SLC25A21: variants seen among roughly 807,000 people sequenced by gnomAD.
SLC25A21 encodes mitochondrial 2-oxodicarboxylate carrier.
A neutral mutation model predicts 43.8 loss-of-function variants in SLC25A21; 47 were observed. The ratio of observed to expected loss-of-function variants is 1.07; its 90% CI spans 0.85 to 1.37. The LOEUF (loss-of-function observed/expected upper bound fraction) is 1.37. Ranked by LOEUF, SLC25A21 falls within the 40% of genes most tolerant of loss-of-function variation. SLC25A21 has a pLI of 0.00. For missense variants in SLC25A21, 352 were observed against 350.2 expected (o/e 1.00, Z -0.04); for synonymous variants, 131 against 121.3 (o/e 1.08, Z -0.52).
intron 4 of SLC25A21, among the ~76,000 whole-genome samples, chr14:36,733,598 A>G (rs1021785694): frequency 6.6e-6 from 1 of 152,236 alleles, no homozygotes; most frequent in African/African-American, 2.4e-5. Context: ...GAGTAAAAGT[A>G]TATGAACTGT....
intron 3 of SLC25A21, among the ~76,000 whole-genome samples, chr14:36,792,218 G>C (rs1887510913): frequency 6.6e-6 from 1 of 152,134 alleles, no homozygotes; most frequent in East Asian, 1.9e-4. Flanking sequence ...TAGTCCTAAA[G>C]AAGGAGAGAA....
Position 36,679,373 on chromosome 14 carries a change from T to TTTTAC in SLC25A21, c.*1280_*1284dup, listed in dbSNP as rs995803297. The TTTTAC allele has an allele frequency of 6.1e-6, 6 of 977,006 alleles. No individual in the cohort carries two copies. The highest frequency in any genetic ancestry group is 7.3e-6 in the Non-Finnish European group (6 of 822,388). The allele number at this position is 977,006 out of a possible 1,614,324, so 60.5% of individuals were successfully genotyped here. On this transcript the variant is annotated 3_prime_UTR_variant, in exon 10 of 10. Coordinates refer to ENST00000331299, the MANE Select transcript of SLC25A21 (RefSeq NM_030631.4). ...AAAAAGTAATAATTACCATGTTATCTTTTACTTTTTATTTTCAAAATGCTT... is the reference window on the plus strand; with the variant it reads ...AAAAAGTAATAATTACCATGTTATCTTTTACTTTACTTTTTATTTTCAAAATGCTT...
chr14:37,106,837 G>A (rs1186516742), intron 1 of SLC25A21, among the ~76,000 whole-genome samples: 6 of 152,166 alleles, frequency 3.9e-5, no homozygotes, highest in Non-Finnish European at 5.9e-5. Flanking sequence ...CAGCCCAGCT[G>A]TAAAATTCCT....
chr14:37,043,625 G>C (rs1205491334), intron 1 of SLC25A21, among the ~76,000 whole-genome samples: 1 of 152,150 alleles, frequency 6.6e-6, no homozygotes, highest in African/African-American at 2.4e-5. Flanking sequence ...ATCCCTTACA[G>C]ATAGAAGACA....
intron 7 of SLC25A21, among the ~76,000 whole-genome samples, chr14:36,710,354 CAA>C (rs1213554564): frequency 7.0e-6 from 1 of 142,306 alleles, no homozygotes. Flanking sequence ...GCCTGGGTGA[CAA>C]GAGTGAAACT....
At chr14:36,749,729 C>A (rs1885632047) in intron 3 of SLC25A21, among the ~76,000 whole-genome samples, 1 of 152,184 alleles carries the variant, frequency 6.6e-6, no homozygotes, top group Non-Finnish European at 1.5e-5. Context: ...ACATGCTGCG[C>A]CTTGCCTGGG....
At chr14:37,077,166 A>G (rs1020576426) in intron 1 of SLC25A21, among the ~76,000 whole-genome samples, 34 of 152,320 alleles carry the variant, frequency 2.2e-4, no homozygotes, top group African/African-American at 7.9e-4. Flanking sequence ...CCACGCTGAG[A>G]TATCATTTAG....
chr14:36,845,840 C>T (rs572072275), intron 2 of SLC25A21, among the ~76,000 whole-genome samples: 1 of 152,334 alleles, frequency 6.6e-6, no homozygotes, highest in Non-Finnish European at 1.5e-5. Flanking sequence ...TGATCGCACA[C>T]TGGCGCTTCT....
At chr14:36,706,575 A>G (rs187226113) in intron 7 of SLC25A21, among the ~76,000 whole-genome samples, 20 of 152,292 alleles carry the variant, frequency 1.3e-4, no homozygotes, top group African/African-American at 4.6e-4. Context: ...TTCCAGGCAG[A>G]GCCCGTAATA....
At position 36,678,321 on chromosome 14, in the gene SLC25A21, GA is replaced by G. The variant is rs1882005362; in HGVS notation, c.*2336del. ...TTTTTCAGACAGCAGATATCTTATAGAGAGCTTTGAACTGCATTTATTTCTA... is the reference window on the plus strand; with the variant it reads ...TTTTTCAGACAGCAGATATCTTATAGGAGCTTTGAACTGCATTTATTTCTA... On this transcript the variant is annotated 3_prime_UTR_variant, in exon 10 of 10. Transcript: ENST00000331299. The G allele has an allele frequency of 1.6e-6, 1 of 614,198 alleles. No homozygotes were observed. Among genetic ancestry groups the G allele is most frequent in the African/African-American group, 1.8e-5 (1 of 54,466 alleles). 38.0% of individuals were successfully genotyped at this position (614,198 alleles called of 1,614,324 possible).
intron 1 of SLC25A21, among the ~76,000 whole-genome samples, chr14:36,980,760 C>T (rs1360580177): frequency 6.6e-6 from 1 of 152,200 alleles, no homozygotes; most frequent in Non-Finnish European, 1.5e-5. Context: ...CTAGGCAATA[C>T]CATTCCGGAC....
chr14:36,883,517 T>C (rs1173852281), intron 1 of SLC25A21, among the ~76,000 whole-genome samples: 1 of 152,204 alleles, frequency 6.6e-6, no homozygotes, highest in Non-Finnish European at 1.5e-5. Context: ...TATCTATTCA[T>C]TGTGTTTATT....
intron 3 of SLC25A21, among the ~76,000 whole-genome samples, chr14:36,800,672 G>A (rs117547917): frequency 1.3e-5 from 2 of 152,164 alleles, no homozygotes; most frequent in East Asian, 1.9e-4. Flanking sequence ...ATGGTTGCAC[G>A]ACATTGACTT....
chr14:36,905,140 C>T (rs888240576), intron 1 of SLC25A21, among the ~76,000 whole-genome samples: 2 of 152,156 alleles, frequency 1.3e-5, no homozygotes, highest in Admixed American at 1.3e-4. Flanking sequence ...ATTACCTTGA[C>T]CTATGAAAGA....
At chr14:37,058,543 A>G (rs999420481) in intron 1 of SLC25A21, among the ~76,000 whole-genome samples, 3 of 152,208 alleles carry the variant, frequency 2.0e-5, no homozygotes, top group African/African-American at 7.2e-5. Context: ...CAGCCATAAG[A>G]TGAAGGGATT....
At chr14:36,968,567 G>C (rs554451107) in intron 1 of SLC25A21, among the ~76,000 whole-genome samples, 1 of 152,270 alleles carries the variant, frequency 6.6e-6, no homozygotes, top group East Asian at 1.9e-4. Context: ...TTCTTAATAG[G>C]CTTCTGCACA....
intron 1 of SLC25A21, among the ~76,000 whole-genome samples, chr14:37,123,960 C>T (rs547519665): frequency 5.9e-5 from 9 of 151,844 alleles, no homozygotes; most frequent in Non-Finnish European, 1.2e-4. Context: ...TTCTTTGCTA[C>T]GCTTTTCTCC....
At chr14:36,729,772 C>T (rs1025269532) in intron 4 of SLC25A21, among the ~76,000 whole-genome samples, 7 of 152,144 alleles carry the variant, frequency 4.6e-5, no homozygotes, top group Admixed American at 4.6e-4. Context: ...TTATAATAAC[C>T]TACAGAAGAG....
At chr14:36,735,447 G>A (rs1406862907) in intron 3 of SLC25A21, among the ~76,000 whole-genome samples, 2 of 75,896 alleles carry the variant, frequency 2.6e-5, no homozygotes, top group African/African-American at 1.3e-4. Flanking sequence ...TATTTTCTGA[G>A]TAATCACTTT....
Sources: gnomAD v4.1 joint callset for allele counts (sites outside exome capture counted in the v4.1 genomes callset) on GRCh38, gnomAD v4.1.1 for gene constraint, MANE v1.5 for transcripts, NCBI Gene and HGNC (gene_info 2026-07-23, HGNC 2026-07-21) for gene names.